Variants in ELMO1 observed in about 807,000 individuals in gnomAD.
The protein encoded by ELMO1 is engulfment and cell motility protein 1.
A neutral mutation model predicts 98.9 loss-of-function variants in ELMO1; 26 were observed. The ratio of observed to expected loss-of-function variants is 0.26; its 90% CI spans 0.19 to 0.36. The LOEUF (loss-of-function observed/expected upper bound fraction) is 0.36, where lower values mean the gene tolerates loss of function less well. Among genes scored for constraint, ELMO1 ranks in the 10% least tolerant of loss-of-function variants. ELMO1 has a pLI of 1.00. For missense variants in ELMO1, 627 were observed against 935.2 expected (o/e 0.67, Z 4.30); for synonymous variants, 346 against 346.0 (o/e 1.00, Z 0.00).
chr7:37,200,106 C>T (rs1249183539), intron 13 of ELMO1, among the ~76,000 whole-genome samples: 2 of 152,156 alleles, frequency 1.3e-5, no homozygotes, highest in Non-Finnish European at 2.9e-5. Context: ...TAGGGTTTCG[C>T]TCTGTTGCCC....
intron 13 of ELMO1, among the ~76,000 whole-genome samples, chr7:37,149,483 T>C (rs868202272): frequency 1.1e-4 from 17 of 151,254 alleles, no homozygotes; most frequent in African/African-American, 2.0e-4. Context: ...TTTTAAATAG[T>C]TTTTTAATCA....
intron 16 of ELMO1, among the ~76,000 whole-genome samples, chr7:36,974,085 C>A (rs997776034): frequency 6.6e-6 from 1 of 152,386 alleles, no homozygotes; most frequent in Non-Finnish European, 1.5e-5. Flanking sequence ...TGTTCCACTG[C>A]GCCCAGTCCC....
intron 13 of ELMO1, among the ~76,000 whole-genome samples, chr7:37,209,398 C>A (rs574232205): frequency 4.0e-4 from 61 of 152,260 alleles, no homozygotes; most frequent in African/African-American, 1.5e-3. Context: ...CACATGCATC[C>A]CGGAGGCAGC....
intron 13 of ELMO1, among the ~76,000 whole-genome samples, chr7:37,147,736 A>G (rs553198105): frequency 6.6e-6 from 1 of 152,082 alleles, no homozygotes; most frequent in African/African-American, 2.4e-5. Flanking sequence ...GCAGGCCACA[A>G]TGCAACCCAG....
Position 37,315,935 on chromosome 7 carries a change from TTTA to T in ELMO1, c.101_103del (p.Ile34del). 1 of 1,603,666 alleles carries T rather than the reference TTTA, an allele frequency of 6.2e-7. No individual in the cohort carries two copies. Among genetic ancestry groups the T allele is most frequent in the South Asian group, 1.1e-5 (1 of 88,362 alleles). On this transcript the variant is annotated inframe_deletion, in exon 3 of 22. Coordinates refer to ENST00000310758, the MANE Select transcript of ELMO1 (RefSeq NM_014800.11). ...TAACACTTACCCATCACAGACTTCC[TTTA>T]TTATTGCAGACAGTGGTTTTTTCTG...
chr7:37,328,918 C>T (rs1562618582), intron 2 of ELMO1, among the ~76,000 whole-genome samples: 1 of 152,234 alleles, frequency 6.6e-6, no homozygotes, highest in Non-Finnish European at 1.5e-5. Flanking sequence ...TATTCATCTT[C>T]TTCTAGTTTG....
intron 9 of ELMO1, 38 bp from the exon 10 acceptor site, chr7:37,222,731 G>T (rs757550074): frequency 6.3e-7 from 1 of 1,592,656 alleles, no homozygotes; most frequent in Non-Finnish European, 8.6e-7. Flanking sequence ...ATCAGAACAC[G>T]AAGTCAGAAG....
intron 15 of ELMO1, among the ~76,000 whole-genome samples, chr7:37,072,295 A>G (rs990728357): frequency 1.3e-5 from 2 of 152,118 alleles, no homozygotes; most frequent in African/African-American, 2.4e-5. Flanking sequence ...TAATTGAATC[A>G]TGGGGGTGGG....
intron 1 of ELMO1, among the ~76,000 whole-genome samples, chr7:37,442,366 A>G (rs1180320804): frequency 6.6e-6 from 1 of 152,194 alleles, no homozygotes. Flanking sequence ...CTTAGTTGGT[A>G]TGAATCTATC....
chr7:36,967,126 T>C (rs544852422), intron 16 of ELMO1, among the ~76,000 whole-genome samples: 2 of 152,338 alleles, frequency 1.3e-5, no homozygotes, highest in Admixed American at 6.5e-5. Flanking sequence ...TTTAGAAATG[T>C]ATATTTAGTT....
intron 16 of ELMO1, chr7:36,985,808 G>T: frequency 1.5e-6 from 1 of 666,130 alleles, no homozygotes; most frequent in Non-Finnish European, 1.9e-6. Context: ...TTGAATGCCC[G>T]CTCCTCCATG....
At chr7:37,173,284 C>T (rs987699815) in intron 13 of ELMO1, among the ~76,000 whole-genome samples, 4 of 152,190 alleles carry the variant, frequency 2.6e-5, no homozygotes, top group Non-Finnish European at 5.9e-5. Flanking sequence ...TGCAGGCCAC[C>T]TCTTCTTATT....
chr7:37,308,795 G>T (rs1657431702), intron 4 of ELMO1, among the ~76,000 whole-genome samples: 1 of 152,180 alleles, frequency 6.6e-6, no homozygotes, highest in Non-Finnish European at 1.5e-5. Flanking sequence ...GCCTGTCTAG[G>T]AGAGTCCAGT....
At chr7:37,239,472 A>AT (rs1353110872) in intron 7 of ELMO1, among the ~76,000 whole-genome samples, 7 of 152,220 alleles carry the variant, frequency 4.6e-5, no homozygotes, top group Middle Eastern at 3.4e-3. Context: ...GCCAATTTCA[A>AT]TTTTTTTAAT....
chr7:36,902,552 A>C (rs576822291), intron 16 of ELMO1, among the ~76,000 whole-genome samples: 3 of 152,344 alleles, frequency 2.0e-5, no homozygotes, highest in African/African-American at 7.2e-5. Context: ...GTGCCATGAG[A>C]AAAATAATGG....
intron 16 of ELMO1, among the ~76,000 whole-genome samples, chr7:36,937,256 G>C (rs553082811): frequency 2.0e-5 from 3 of 152,336 alleles, no homozygotes; most frequent in East Asian, 3.9e-4. Flanking sequence ...CCCTAGTCCA[G>C]TATAACTGGC....
intron 4 of ELMO1, among the ~76,000 whole-genome samples, chr7:37,294,601 G>T (rs1409421726): frequency 6.6e-6 from 1 of 152,124 alleles, no homozygotes; most frequent in Non-Finnish European, 1.5e-5. Context: ...ACAAATACAT[G>T]CATAGTACAG....
At chr7:37,291,839 C>T (rs984549963) in intron 4 of ELMO1, among the ~76,000 whole-genome samples, 2 of 151,648 alleles carry the variant, frequency 1.3e-5, no homozygotes, top group African/African-American at 4.8e-5. Context: ...AGCTTGAACC[C>T]GGGAAGTGGA....
intron 2 of ELMO1, 105 bp from the exon 3 acceptor site, chr7:37,316,065 A>G: frequency 1.1e-6 from 1 of 934,506 alleles, no homozygotes; most frequent in Non-Finnish European, 1.6e-6. Context: ...AAGAGAATTT[A>G]CATTTGCTAT....
Sources: gnomAD v4.1 joint callset for allele counts (sites outside exome capture counted in the v4.1 genomes callset) on GRCh38, gnomAD v4.1.1 for gene constraint, MANE v1.5 for transcripts, NCBI Gene and HGNC (gene_info 2026-07-23, HGNC 2026-07-21) for gene names.